Variants in NLGN1 observed in about 807,000 individuals in gnomAD.
NLGN1 encodes the protein neuroligin 1.
In NLGN1, 12 loss-of-function variants were observed where a neutral mutation model predicts 65.5. The observed-to-expected ratio is 0.18, with a 90% CI of 0.12 to 0.30. NLGN1 has a LOEUF of 0.30. Among genes scored for constraint, NLGN1 ranks in the 10% least tolerant of loss-of-function variants. The probability of loss-of-function intolerance (pLI) is 1.00; values close to 1 mark genes in which losing one functional copy is unlikely to be tolerated. For missense variants in NLGN1, 750 were observed against 1,007.1 expected, an observed-to-expected ratio of 0.74 and a Z score of 3.46; for synonymous variants, 350 against 359.5, an observed-to-expected ratio of 0.97 and a Z score of 0.30.
At chr3:173,749,495 A>C (rs1776016833) in intron 3 of NLGN1, among the ~76,000 whole-genome samples, 1 of 152,162 alleles carries the variant, frequency 6.6e-6, no homozygotes, top group East Asian at 1.9e-4. Flanking sequence ...TTTGCTGACA[A>C]ATTTAATCAA....
rs552417993 is a variant in NLGN1 at position 173,929,149 on chromosome 3, G to A, written c.646+121317G>A. Among the ~76,000 whole-genome samples, 32 of 152,268 alleles carry A rather than the reference G, an allele frequency of 2.1e-4. No homozygotes were observed. In the South Asian group the frequency reaches 6.6e-3, roughly 32 times the overall value. On this transcript the variant is annotated intron_variant, in intron 4 of 6. Transcript: ENST00000457714. Reference sequence around the variant, plus strand: ...AAATTAGATATATTCCATTTAATATGTGTTCAATATACAAAACTTACATGA... The same window carrying A: ...AAATTAGATATATTCCATTTAATATATGTTCAATATACAAAACTTACATGA...
chr3:173,493,828 AAT>A lies in NLGN1; in HGVS notation c.-321+58762_-321+58763del, dbSNP rs540770877. On this transcript the variant is annotated intron_variant, in intron 2 of 6. Coordinates refer to ENST00000457714, the Ensembl canonical transcript of NLGN1. ...TTGACATGTGTAAATGATTTAATTGAATATATATATATAGAGAGAGAGTATTT... is the reference window on the plus strand; with the variant it reads ...TTGACATGTGTAAATGATTTAATTGAATATATATATAGAGAGAGAGTATTT... Among the ~76,000 whole-genome samples the A allele has an allele frequency of 1.0e-2, 1,501 of 150,190 alleles. 13 individuals are homozygous for A. The highest frequency in any genetic ancestry group is 0.018 in the South Asian group (84 of 4,762).
At chr3:173,782,141 G>A (rs1297352927) in intron 3 of NLGN1, among the ~76,000 whole-genome samples, 5 of 151,978 alleles carry the variant, frequency 3.3e-5, no homozygotes, top group Non-Finnish European at 1.5e-5. Flanking sequence ...TGGGGATAGG[G>A]AGGAATAGGG....
At chr3:173,654,292 A>C (rs1759646859) in intron 3 of NLGN1, among the ~76,000 whole-genome samples, 2 of 152,150 alleles carry the variant, frequency 1.3e-5, no homozygotes, top group Admixed American at 1.3e-4. Context: ...ATTGTAATAC[A>C]GTCTATTTAA....
chr3:173,741,573 A>T (rs1033115795), intron 3 of NLGN1, among the ~76,000 whole-genome samples: 2 of 151,872 alleles, frequency 1.3e-5, no homozygotes, highest in Admixed American at 6.6e-5. Flanking sequence ...GCTCACTGCA[A>T]CCTCCACCTC....
chr3:173,554,270 A>G (rs559108375), intron 2 of NLGN1, among the ~76,000 whole-genome samples: 2 of 152,292 alleles, frequency 1.3e-5, no homozygotes, highest in South Asian at 4.1e-4. Context: ...AAGTTTCTTC[A>G]TGTCTTTCTG....
chr3:173,604,676 T>C, exon 3 of NLGN1: 1 of 1,613,710 alleles, frequency 6.2e-7, no homozygotes, highest in East Asian at 2.2e-5. Flanking sequence ...GGGGATTGGG[T>C]GCCCCATTGA....
intron 4 of NLGN1, among the ~76,000 whole-genome samples, chr3:173,881,058 C>A (rs920108164): frequency 4.7e-5 from 7 of 150,324 alleles, no homozygotes; most frequent in Non-Finnish European, 1.0e-4. Context: ...CATGAGATTG[C>A]AGCAATTTAG....
chr3:173,963,304 T>C (rs982529944), intron 4 of NLGN1, among the ~76,000 whole-genome samples: 4 of 149,268 alleles, frequency 2.7e-5, no homozygotes, highest in African/African-American at 1.0e-4. Context: ...AATCTTATAA[T>C]AACATTTATT....
chr3:173,399,441 G>A (rs573578156), intron 1 of NLGN1: 1 of 152,210 alleles, frequency 6.6e-6, no homozygotes, highest in East Asian at 1.9e-4. Flanking sequence ...TATTCCCTCA[G>A]TATAGTTTTA....
intron 3 of NLGN1, among the ~76,000 whole-genome samples, chr3:173,699,352 G>T (rs368646258): frequency 6.3e-4 from 96 of 152,260 alleles, no homozygotes; most frequent in African/African-American, 2.2e-3. Flanking sequence ...TCAACTTGAC[G>T]TTAAATATGT....
chr3:173,642,905 G>A (rs191722941), intron 3 of NLGN1, among the ~76,000 whole-genome samples: 6 of 152,162 alleles, frequency 3.9e-5, no homozygotes, highest in East Asian at 3.9e-4. Flanking sequence ...TGACCAATAC[G>A]TTAGAATTAG....
chr3:174,246,520 G>A (rs575499873), intron 4 of NLGN1, among the ~76,000 whole-genome samples: 3 of 152,282 alleles, frequency 2.0e-5, no homozygotes, highest in Admixed American at 6.5e-5. Context: ...TTGGGCTTAA[G>A]TGATCCTCCG....
chr3:173,924,637 A>T (rs1396435254), intron 4 of NLGN1, among the ~76,000 whole-genome samples: 5 of 152,026 alleles, frequency 3.3e-5, no homozygotes, highest in African/African-American at 1.2e-4. Context: ...AAAAAAATAA[A>T]AATAAAAATA....
intron 2 of NLGN1, among the ~76,000 whole-genome samples, chr3:173,521,523 T>A (rs1734759322): frequency 6.6e-6 from 1 of 152,208 alleles, no homozygotes; most frequent in Non-Finnish European, 1.5e-5. Flanking sequence ...GCACTGTACT[T>A]ATGGCCTGGT....
intron 4 of NLGN1, among the ~76,000 whole-genome samples, chr3:173,927,495 G>A (rs1441124876): frequency 6.6e-6 from 1 of 152,052 alleles, no homozygotes; most frequent in Non-Finnish European, 1.5e-5. Context: ...GAGGGATGGG[G>A]ACACAATTAG....
chr3:173,990,679 C>T (rs897008058), intron 4 of NLGN1, among the ~76,000 whole-genome samples: 1 of 151,970 alleles, frequency 6.6e-6, no homozygotes, highest in African/African-American at 2.4e-5. Context: ...CAGATAATGT[C>T]ATCATAATTT....
At chr3:174,041,078 G>A (rs1313953136) in intron 4 of NLGN1, among the ~76,000 whole-genome samples, 1 of 151,994 alleles carries the variant, frequency 6.6e-6, no homozygotes, top group Non-Finnish European at 1.5e-5. Flanking sequence ...AAACATACCT[G>A]TGTAAGCCAA....
chr3:174,167,762 G>C (rs7644935), intron 4 of NLGN1, among the ~76,000 whole-genome samples: 14,060 of 151,664 alleles, frequency 0.093, 1,283 homozygotes, highest in African/African-American at 0.24. Flanking sequence ...AGAAAGATTA[G>C]AGAAGTTTCT....
Sources: allele counts gnomAD v4.1 joint callset (sites outside exome capture counted in the v4.1 genomes callset), GRCh38; gene constraint gnomAD v4.1.1; transcripts MANE v1.5; gene names NCBI Gene and HGNC (gene_info 2026-07-23, HGNC 2026-07-21).